Variants in XAB2 observed in about 807,000 individuals in gnomAD.
XAB2 encodes the protein pre-mRNA-splicing factor SYF1.
Under a neutral mutation model 113.4 loss-of-function variants are expected in XAB2, and 57 were observed. That is an observed-to-expected ratio of 0.50 (90% CI 0.41 to 0.63). The LOEUF is 0.63. XAB2 is among the 20% of genes least tolerant of loss of function. XAB2 has a pLI of 0.00. For synonymous variants in XAB2, 497 were observed against 498.8 expected, an observed-to-expected ratio of 1.00 and a Z score of 0.05; for missense variants, 1,037 against 1,233.3, an observed-to-expected ratio of 0.84 and a Z score of 2.38.
chr19:7,623,736 G>A lies in XAB2; in HGVS notation c.1114C>T (p.Arg372Trp), dbSNP rs760328969. Residue 372 changes from arginine (R) to tryptophan (W), a missense_variant, in exon 8 of 19, where the codon CGG becomes TGG. Physicochemically the swap from Arg to Trp is moderately radical, Grantham distance 101 (BLOSUM62 -3). Coordinates refer to ENST00000358368, the MANE Select transcript of XAB2 (RefSeq NM_020196.3). This position sits in a 1 kb window ranked among gnomAD's most constrained non-coding sequence, Gnocchi z 4.6. ...CTGGGGCAGGCTTCATGTACCTCCC[G>A]GGGGCGGCCCTGGTGCAGGGCGACA... Reference protein sequence around the residue: ...KRVALHQGRPREIINTYTEAV... With the variant: ...KRVALHQGRPWEIINTYTEAV... 33 of 1,599,282 alleles carry A rather than the reference G, an allele frequency of 2.1e-5. No individual in the cohort carries two copies. Among genetic ancestry groups the A allele is most frequent in the African/African-American group, 1.1e-4 (8 of 74,626 alleles).
Position 7,627,957 on chromosome 19 carries a change from G to A in XAB2, c.201-106C>T. The A allele has an allele frequency of 6.5e-7, 1 of 1,538,118 alleles. No homozygotes were observed. Among genetic ancestry groups the A allele is most frequent in the Non-Finnish European group, 8.8e-7 (1 of 1,137,036 alleles). On this transcript the variant is annotated intron_variant, in intron 2 of 18. Transcript: ENST00000358368. This position sits in a 1 kb window ranked among gnomAD's most constrained non-coding sequence, Gnocchi z 4.5. ...AATGTGGGAAGAAGGGGTGTGGGAG[G>A]GGTGACATGTCTCAGCAATGACAGG...
Position 7,620,306 on chromosome 19 carries a change from CA to C in XAB2, c.2234del (p.Met745SerfsTer25), listed in dbSNP as rs1373700401. On this transcript the variant is annotated frameshift_variant, in exon 16 of 19. Coordinates refer to ENST00000358368, the MANE Select transcript of XAB2 (RefSeq NM_020196.3). LOFTEE classifies it high-confidence loss of function. ...NTQVNFMASQ[M>X]LKVSGSATGT... is the part of the protein sequence containing the mutation. Reference sequence around the variant, plus strand: ...CCGTGGCACTGCCCGAGACCTTGAGCATCTGCGAGGCCATGAAGTTGACCTG... The same window carrying C: ...CCGTGGCACTGCCCGAGACCTTGAGCTCTGCGAGGCCATGAAGTTGACCTG... 6.2e-7 allele frequency: 1 copy of C among 1,613,642 alleles called. No individual in the cohort carries two copies. The highest frequency in any genetic ancestry group is 1.1e-5 in the South Asian group (1 of 91,086).
chr19:7,626,743 G>A (rs1285769880), intron 4 of XAB2, among the ~76,000 whole-genome samples: 1 of 151,352 alleles, frequency 6.6e-6, no homozygotes, highest in East Asian at 1.9e-4. Flanking sequence ...GTCCAGCCTT[G>A]ACTATAGTGT....
In XAB2 at chr19:7,624,539, G is replaced by C; in HGVS notation, c.823-94C>G. 1 of 1,575,592 alleles carries C rather than the reference G, an allele frequency of 6.3e-7. No homozygotes were observed. Among genetic ancestry groups the C allele is most frequent in the South Asian group, 1.1e-5 (1 of 88,584 alleles). ...ACCAGCCTCAATGTGGAACCCCTGG[G>C]GGCCTTCTGGGTAGTGACGCATCCA... On this transcript the variant is annotated intron_variant, in intron 6 of 18. Coordinates refer to ENST00000358368, the MANE Select transcript of XAB2 (RefSeq NM_020196.3). The surrounding 1 kb of genome is among the most constrained non-coding windows in gnomAD (Gnocchi z 4.2).
Position 7,624,196 on chromosome 19 carries a change from C to G in XAB2, c.967+105G>C. The G allele has an allele frequency of 6.4e-7, 1 of 1,555,590 alleles. No individual in the cohort carries two copies. Among genetic ancestry groups the G allele is most frequent in the Non-Finnish European group, 8.7e-7 (1 of 1,148,430 alleles). Reference sequence around the variant, plus strand: ...CCACTCAGCCTCCTTCCCTGCTGGCCCCCAGCTGAGCCTCCCAGGGCTGCC... The same window carrying G: ...CCACTCAGCCTCCTTCCCTGCTGGCGCCCAGCTGAGCCTCCCAGGGCTGCC... On this transcript the variant is annotated intron_variant, in intron 7 of 18. Transcript: ENST00000358368. This position sits in a 1 kb window ranked among gnomAD's most constrained non-coding sequence, Gnocchi z 4.2.
At position 7,628,815 on chromosome 19, in the gene XAB2, C is replaced by A. The variant is rs1445856053; in HGVS notation, c.52-517G>T. ...AGGTCCAGATTCCAAGCCACTAGCC[C>A]CGCCCCCAGGATCCCACTAGCCAGC... On this transcript the variant is annotated intron_variant, in intron 1 of 18. Transcript: ENST00000358368. The surrounding 1 kb of genome is among the most constrained non-coding windows in gnomAD (Gnocchi z 4.6). 2.0e-5 allele frequency among the ~76,000 whole-genome samples: 3 copies of A among 152,228 alleles called. No homozygotes were observed. The highest frequency in any genetic ancestry group is 2.0e-4 in the Admixed American group (3 of 15,288).
In XAB2 at chr19:7,624,127, T is replaced by C. The variant is rs913942091; in HGVS notation, c.967+174A>G. On this transcript the variant is annotated intron_variant, in intron 7 of 18. Coordinates refer to ENST00000358368, the MANE Select transcript of XAB2 (RefSeq NM_020196.3). This position sits in a 1 kb window ranked among gnomAD's most constrained non-coding sequence, Gnocchi z 4.2. ...CAGGCTCTGGCCCAGGCCTGAGAAG[T>C]GTCCCCATTCCTGGCTCCTTCAAGA... Among the ~76,000 whole-genome samples, 1 of 145,924 alleles carries C rather than the reference T, an allele frequency of 6.9e-6. No individual in the cohort carries two copies. The highest frequency in any genetic ancestry group is 2.5e-5 in the African/African-American group (1 of 39,232).
chr19:7,621,138 T>C lies in XAB2; in HGVS notation c.1777A>G (p.Lys593Glu), dbSNP rs1252056289. 1.3e-6 allele frequency: 2 copies of C among 1,596,080 alleles called. No homozygotes were observed. Among genetic ancestry groups the C allele is most frequent in the African/African-American group, 2.7e-5 (2 of 73,916 alleles). ...CCATGCCCTCTGCCCGCCTCACTCT[T>C]GGCATATTTTGGGGGGCAGCCGTCC... ...ALDGCPPKYA[K>E]TLYLLYAQLE... The change falls in exon 13 of 19, where the codon AAG (lysine) becomes GAG (glutamate). Residue 593 changes from lysine to glutamate, a missense_variant. By Grantham distance (56) the Lys-to-Glu change is moderately conservative. Coordinates refer to ENST00000358368, the MANE Select transcript of XAB2 (RefSeq NM_020196.3).
At chr19:7,621,597 T>G in intron 12 of XAB2, 1 of 430,620 alleles carries the variant, frequency 2.3e-6, no homozygotes, top group Non-Finnish European at 4.2e-6. Context: ...TGGCTGCCTG[T>G]CCCCAGGGAG....
intron 1 of XAB2, 100 bp downstream of exon 1, chr19:7,629,377 T>C: frequency 1.4e-6 from 2 of 1,444,988 alleles, no homozygotes; most frequent in Non-Finnish European, 9.5e-7. Context: ...GGCCTGGCAG[T>C]TTCGGCCTAA....
In XAB2 at chr19:7,620,128, G is replaced by C. The variant is rs149817022; in HGVS notation, c.2267-53C>G. 4.4e-6 allele frequency: 7 copies of C among 1,599,914 alleles called. No individual in the cohort carries two copies. The East Asian group carries it at 1.3e-4, about 31-fold the overall frequency. ...CCACGGGGGCCCCTCCCACACATCG[G>C]ACGTTGCACTATCCCAGTCCCCCAG... On this transcript the variant is annotated intron_variant, in intron 16 of 18. Transcript: ENST00000358368.
In XAB2 at chr19:7,620,324, G is replaced by A. The variant is rs1372600368; in HGVS notation, c.2217C>T (p.Asn739=). Residue 739 remains asparagine, a synonymous_variant, in exon 16 of 19, where the codon AAC becomes AAT. Coordinates refer to ENST00000358368, the MANE Select transcript of XAB2 (RefSeq NM_020196.3). ...CCTTGAGCATCTGCGAGGCCATGAAGTTGACCTGCGTGTTGTACGTGGCCT... is the reference window on the plus strand; with the variant it reads ...CCTTGAGCATCTGCGAGGCCATGAAATTGACCTGCGTGTTGTACGTGGCCT... ...SVQATYNTQV[N]FMASQMLKVS... is the part of the protein sequence containing the mutation. The A allele has an allele frequency of 4.3e-6, 7 of 1,613,782 alleles. No homozygotes were observed. In the South Asian group the frequency reaches 7.7e-5, roughly 18 times the overall value.
rs2146185941 is a variant in XAB2 at position 7,623,035 on chromosome 19, T to C, written c.1239+135A>G. ...ACACAGGCACACACATGCGTGCACA[T>C]ATGCATGCACCCAAATGCACATGCA... On this transcript the variant is annotated intron_variant, in intron 9 of 18. Coordinates refer to ENST00000358368, the MANE Select transcript of XAB2 (RefSeq NM_020196.3). This position sits in a 1 kb window ranked among gnomAD's most constrained non-coding sequence, Gnocchi z 4.6. The C allele has an allele frequency of 6.5e-7, 1 of 1,540,154 alleles. No individual in the cohort carries two copies. The highest frequency in any genetic ancestry group is 2.3e-5 in the East Asian group (1 of 42,634).
At position 7,624,681 on chromosome 19, in the gene XAB2, A is replaced by G. The variant is rs2031103250; in HGVS notation, c.823-236T>C. Among the ~76,000 whole-genome samples, 1 of 152,090 alleles carries G rather than the reference A, an allele frequency of 6.6e-6. No homozygotes were observed. The highest frequency in any genetic ancestry group is 2.1e-4 in the South Asian group (1 of 4,832). On this transcript the variant is annotated intron_variant, in intron 6 of 18. Coordinates refer to ENST00000358368, the MANE Select transcript of XAB2 (RefSeq NM_020196.3). The surrounding 1 kb of genome is among the most constrained non-coding windows in gnomAD (Gnocchi z 4.2). ...CAGGACCTCCTCAGTAAACTGGGTGACTGCCCTTTGCACACAGTGACCTCA... is the reference window on the plus strand; with the variant it reads ...CAGGACCTCCTCAGTAAACTGGGTGGCTGCCCTTTGCACACAGTGACCTCA...
intron 9 of XAB2, 76 bp from the exon 10 acceptor site, chr19:7,622,969 A>T: frequency 3.2e-6 from 5 of 1,574,552 alleles, no homozygotes; most frequent in Non-Finnish European, 4.3e-6. Context: ...CAGAAAGGTG[A>T]CCATGCTCAC....
Position 7,625,825 on chromosome 19 carries a change from G to T in XAB2, c.822+55C>A. On this transcript the variant is annotated intron_variant, in intron 6 of 18. Coordinates refer to ENST00000358368, the MANE Select transcript of XAB2 (RefSeq NM_020196.3). The surrounding 1 kb of genome is among the most constrained non-coding windows in gnomAD (Gnocchi z 5.2). ...TGTGCATGTGTCAACATGTGTCCCCGAGTGTCGGAGGGAGACCCCGCCCCG... is the reference window on the plus strand; with the variant it reads ...TGTGCATGTGTCAACATGTGTCCCCTAGTGTCGGAGGGAGACCCCGCCCCG... 6.5e-7 allele frequency: 1 copy of T among 1,547,104 alleles called. No individual in the cohort carries two copies. Among genetic ancestry groups the T allele is most frequent in the African/African-American group, 1.4e-5 (1 of 73,366 alleles).
intron 13 of XAB2, 22 bp downstream of exon 13, chr19:7,621,113 C>T (rs779684200): frequency 1.3e-6 from 2 of 1,562,262 alleles, no homozygotes; most frequent in Non-Finnish European, 1.7e-6. Flanking sequence ...GCCACCCCCC[C>T]CATGCCCTCT....
Position 7,628,069 on chromosome 19 carries a change from C to A in XAB2, c.200+81G>T, listed in dbSNP as rs747132003. 3 of 1,540,228 alleles carry A rather than the reference C, an allele frequency of 1.9e-6. No homozygotes were observed. Among genetic ancestry groups the A allele is most frequent in the Admixed American group, 3.9e-5 (2 of 51,146 alleles). ...AAACACGAAGCAATCACCCGGGACC[C>A]GGGACCCACTTGGCAGTTTTGTTAT... is the stretch of plus-strand genomic sequence containing the variant. On this transcript the variant is annotated intron_variant, in intron 2 of 18. Transcript: ENST00000358368. The surrounding 1 kb of genome is among the most constrained non-coding windows in gnomAD (Gnocchi z 4.6).
At position 7,620,362 on chromosome 19, in the gene XAB2, G is replaced by A. The variant is rs1394491561; in HGVS notation, c.2179C>T (p.Arg727Trp). 3.1e-6 allele frequency: 5 copies of A among 1,613,188 alleles called. No homozygotes were observed. The highest frequency in any genetic ancestry group is 1.7e-5 in the Admixed American group (1 of 59,998). The part of the protein sequence containing the change: ...EDTIKEMLRI[R>W]RSVQATYNTQ... ...TTGTACGTGGCCTGCACGCTGCGCC[G>A]GATACGCAGCATTTCCTTGATGGTG... Residue 727 changes from arginine to tryptophan, a missense_variant, in exon 16 of 19, where the codon CGG becomes TGG. Physicochemically the swap from Arg to Trp is moderately radical, Grantham distance 101. Coordinates refer to ENST00000358368, the MANE Select transcript of XAB2 (RefSeq NM_020196.3).
Sources: gnomAD v4.1 joint callset for allele counts (sites outside exome capture counted in the v4.1 genomes callset) on GRCh38, gnomAD v4.1.1 for gene constraint, Gnocchi (gnomAD v3.1) non-coding constraint, MANE v1.5 for transcripts, NCBI Gene and HGNC (gene_info 2026-07-23, HGNC 2026-07-21) for gene names.